NREP: variants seen among roughly 807,000 people sequenced by gnomAD.
NREP encodes the protein neuronal regeneration related protein.
Under a neutral mutation model 8.6 loss-of-function variants are expected in NREP, and 5 were observed. That is an observed-to-expected ratio of 0.58 (90% CI 0.30 to 1.22). The LOEUF (loss-of-function observed/expected upper bound fraction) is 1.22. Ranked by LOEUF, NREP falls within the 50% of genes most tolerant of loss-of-function variation. The pLI, the probability that NREP is intolerant of heterozygous loss-of-function variation, is 0.07. For synonymous variants in NREP, 27 were observed against 28.0 expected, an observed-to-expected ratio of 0.96 and a Z score of 0.11; for missense variants, 86 against 82.5, an observed-to-expected ratio of 1.04 and a Z score of -0.17.
At chr5:111,774,239 A>G (rs1030732148) in intron 2 of NREP, among the ~76,000 whole-genome samples, 1 of 117,400 alleles carries the variant, frequency 8.5e-6, no homozygotes, top group Non-Finnish European at 1.8e-5. Flanking sequence ...GAGGGAAGGA[A>G]GAAGGGAGGG....
At chr5:111,827,626 G>T (rs1752659669) in intron 2 of NREP, among the ~76,000 whole-genome samples, 1 of 152,206 alleles carries the variant, frequency 6.6e-6, no homozygotes. Flanking sequence ...TGGATCACTT[G>T]AGGTCAGAAA....
chr5:111,790,189 T>A (rs1040063042), intron 2 of NREP, among the ~76,000 whole-genome samples: 1 of 152,058 alleles, frequency 6.6e-6, no homozygotes, highest in African/African-American at 2.4e-5. Context: ...GATATACACA[T>A]ATCAGATTTT....
chr5:111,804,718 CAG>C (rs1180596787), intron 2 of NREP, among the ~76,000 whole-genome samples: 3 of 151,720 alleles, frequency 2.0e-5, no homozygotes, highest in South Asian at 2.1e-4. Flanking sequence ...AACAAACAAA[CAG>C]AGCCCGCGCA....
chr5:111,889,905 T>C (rs971639627), intron 2 of NREP, among the ~76,000 whole-genome samples: 1 of 151,926 alleles, frequency 6.6e-6, no homozygotes, highest in African/African-American at 2.4e-5. Context: ...AGGTGCTCAG[T>C]GGGGAGGTTC....
rs151033721 is a variant in NREP at position 111,744,899 on chromosome 5, A to G, written c.4-9392T>C. ...TATTCTCCAACAAGAGAAGACCTCA[A>G]CCATAGATTTTTCCCCTCAGTCTTT... On this transcript the variant is annotated intron_variant, in intron 2 of 3. Transcript: ENST00000257435. Among the ~76,000 whole-genome samples the G allele has an allele frequency of 3.9e-3, 596 of 152,318 alleles. 10 individuals carry two copies. In the South Asian group the frequency reaches 0.048, roughly 12 times the overall value.
chr5:111,776,620 T>A (rs921806600), intron 2 of NREP, among the ~76,000 whole-genome samples: 1 of 152,118 alleles, frequency 6.6e-6, no homozygotes, highest in African/African-American at 2.4e-5. Flanking sequence ...AATGGAATAA[T>A]AGACAACAAC....
intron 2 of NREP, among the ~76,000 whole-genome samples, chr5:111,803,852 A>G (rs1752073978): frequency 1.3e-5 from 2 of 152,230 alleles, no homozygotes; most frequent in South Asian, 4.1e-4. Context: ...CAAGATATGT[A>G]CAAGTCCTCC....
rs373561629 is a variant in NREP at position 111,961,929 on chromosome 5, G to C, written c.135+13345C>G. ...GAAGTATTGGGGAGAATGTCAGTGA[G>C]CAATTAGCTAAAAGCTTTGGAAGAA... On this transcript the variant is annotated intron_variant, in intron 2 of 3. Transcript: ENST00000395634. Among the ~76,000 whole-genome samples the C allele has an allele frequency of 7.1e-4, 108 of 152,304 alleles. 1 individual carries two copies. The highest frequency in any genetic ancestry group is 2.5e-3 in the African/African-American group (102 of 41,556).
At chr5:111,781,145 C>T (rs78222255) in intron 2 of NREP, among the ~76,000 whole-genome samples, 1,541 of 152,228 alleles carry the variant, frequency 0.01, 22 homozygotes, top group African/African-American at 0.033. Context: ...TCTGCCTCCT[C>T]CCACCCTCCA....
At chr5:111,945,742 T>A (rs1755960287) in intron 2 of NREP, among the ~76,000 whole-genome samples, 1 of 142,158 alleles carries the variant, frequency 7.0e-6, no homozygotes, top group Non-Finnish European at 1.5e-5. Context: ...ATTAGGACAC[T>A]ATGTCTCTAT....
intron 2 of NREP, among the ~76,000 whole-genome samples, chr5:111,822,300 G>A (rs553422610): frequency 6.6e-6 from 1 of 152,300 alleles, no homozygotes. Flanking sequence ...GGAGTTATTT[G>A]TAAACTTACA....
intron 2 of NREP, among the ~76,000 whole-genome samples, chr5:111,922,035 T>C (rs1755254094): frequency 6.6e-6 from 1 of 152,180 alleles, no homozygotes; most frequent in Admixed American, 6.6e-5. Context: ...CTCAGGTATG[T>C]CTTTACCAGC....
At position 111,783,799 on chromosome 5, in the gene NREP, CTCTG is replaced by C. The variant is rs1323130688; in HGVS notation, c.136-48296_136-48293del. ...ATATCTGTCTGCCTTTAGATAGAGA[CTCTG>C]TCTTACTCACCTTTTATCCCTAAAC... On this transcript the variant is annotated intron_variant, in intron 2 of 3. Coordinates refer to the NREP transcript ENST00000395634. Among the ~76,000 whole-genome samples, 10 of 152,246 alleles carry C rather than the reference CTCTG, an allele frequency of 6.6e-5. 1 individual carries two copies. The South Asian group carries it at 1.5e-3, about 22-fold the overall frequency.
chr5:111,787,868 C>T (rs747554939), intron 2 of NREP, among the ~76,000 whole-genome samples: 4 of 152,126 alleles, frequency 2.6e-5, no homozygotes, highest in African/African-American at 9.7e-5. Flanking sequence ...AAGACTGAGG[C>T]TGGCGGATTG....
At chr5:111,855,340 G>T (rs1753402399) in intron 2 of NREP, among the ~76,000 whole-genome samples, 1 of 152,158 alleles carries the variant, frequency 6.6e-6, no homozygotes, top group African/African-American at 2.4e-5. Flanking sequence ...ATGATAATTT[G>T]TTCTAGGGAT....
chr5:111,818,588 A>G (rs1020301571), intron 2 of NREP, among the ~76,000 whole-genome samples: 1 of 152,214 alleles, frequency 6.6e-6, no homozygotes, highest in African/African-American at 2.4e-5. Flanking sequence ...CAATTAGGAT[A>G]TATTGCATGA....
At chr5:111,915,931 C>T (rs1371323318) in intron 2 of NREP, among the ~76,000 whole-genome samples, 1 of 152,100 alleles carries the variant, frequency 6.6e-6, no homozygotes. Context: ...CAATAAGTCA[C>T]TATCATCCAC....
At chr5:111,845,250 C>G (rs1753132251) in intron 2 of NREP, among the ~76,000 whole-genome samples, 1 of 150,260 alleles carries the variant, frequency 6.7e-6, no homozygotes, top group African/African-American at 2.4e-5. Flanking sequence ...TAATGTGAAA[C>G]TGTCCTTTCT....
intron 2 of NREP, among the ~76,000 whole-genome samples, chr5:111,861,174 G>T (rs1260828606): frequency 6.6e-6 from 1 of 152,154 alleles, no homozygotes; most frequent in African/African-American, 2.4e-5. Context: ...CAGGTACAGA[G>T]ATCAGGAAGT....
Sources: allele counts gnomAD v4.1 joint callset (sites outside exome capture counted in the v4.1 genomes callset), GRCh38; gene constraint gnomAD v4.1.1; transcripts MANE v1.5; gene names NCBI Gene and HGNC (gene_info 2026-07-23, HGNC 2026-07-21).